KAT6B: variants seen among roughly 807,000 people sequenced by gnomAD.
KAT6B encodes the protein lysine acetyltransferase 6B.
In KAT6B, 10 loss-of-function variants were observed where a neutral mutation model predicts 187.5. That is an observed-to-expected ratio of 0.05 (90% CI 0.03 to 0.09). KAT6B has a LOEUF of 0.09. Ranked by LOEUF, KAT6B falls within the 10% of genes least tolerant of loss-of-function variation. The probability of loss-of-function intolerance (pLI) is 1.00; values close to 1 mark genes in which losing one functional copy is unlikely to be tolerated. For synonymous variants in KAT6B, 861 were observed against 926.8 expected (o/e 0.93, Z 1.29); for missense variants, 1,952 against 2,558.9 (o/e 0.76, Z 5.12).
chr10:75,021,355 A>T, intron 15 of KAT6B, 70 bp downstream of exon 15: 1 of 1,525,188 alleles, frequency 6.6e-7, no homozygotes, highest in East Asian at 2.3e-5. Context: ...TAAGAAAGTC[A>T]TTAAGATCGT....
intron 3 of KAT6B, among the ~76,000 whole-genome samples, chr10:74,864,372 C>T (rs1026065694): frequency 2.0e-5 from 3 of 152,132 alleles, no homozygotes; most frequent in African/African-American, 7.2e-5. Flanking sequence ...TCCTGAATAG[C>T]TGGGATTACA....
At chr10:75,006,213 A>T (rs887888359) in intron 13 of KAT6B, among the ~76,000 whole-genome samples, 1 of 152,232 alleles carries the variant, frequency 6.6e-6, no homozygotes, top group Admixed American at 6.5e-5. Flanking sequence ...TTCTGACCAG[A>T]CAATAAATAT....
At chr10:74,856,850 A>C (rs1025811414) in intron 3 of KAT6B, among the ~76,000 whole-genome samples, 2 of 152,160 alleles carry the variant, frequency 1.3e-5, no homozygotes, top group Non-Finnish European at 2.9e-5. Flanking sequence ...GCAGTAAGCC[A>C]AGGTCACACC....
At chr10:74,920,131 A>C (rs1273707504) in intron 3 of KAT6B, among the ~76,000 whole-genome samples, 1 of 152,178 alleles carries the variant, frequency 6.6e-6, no homozygotes, top group Admixed American at 6.5e-5. Context: ...TTATAGAAAT[A>C]ATTTGAGGTT....
chr10:74,963,819 G>T (rs1841270161), intron 4 of KAT6B, among the ~76,000 whole-genome samples: 1 of 152,120 alleles, frequency 6.6e-6, no homozygotes, highest in Non-Finnish European at 1.5e-5. Flanking sequence ...GAAACCTAAA[G>T]ATATGATCCA....
chr10:75,011,220 C>G (rs1392570831), intron 13 of KAT6B, among the ~76,000 whole-genome samples: 3 of 151,806 alleles, frequency 2.0e-5, no homozygotes, highest in African/African-American at 7.3e-5. Context: ...TAGACTTTTG[C>G]CTATTTATAA....
intron 13 of KAT6B, among the ~76,000 whole-genome samples, chr10:74,999,033 ACAAAT>A (rs1022534446): frequency 2.0e-5 from 3 of 152,278 alleles, no homozygotes; most frequent in Non-Finnish European, 2.9e-5. Flanking sequence ...GCAAAGCAAA[ACAAAT>A]ACATTTCTAG....
intron 3 of KAT6B, among the ~76,000 whole-genome samples, chr10:74,852,262 C>T (rs1022139483): frequency 3.9e-5 from 6 of 152,192 alleles, no homozygotes; most frequent in Non-Finnish European, 7.4e-5. Flanking sequence ...AACTGAAAAT[C>T]GAATAAATCT....
intron 3 of KAT6B, among the ~76,000 whole-genome samples, chr10:74,919,496 G>C (rs1290732098): frequency 6.6e-6 from 1 of 151,990 alleles, no homozygotes; most frequent in Non-Finnish European, 1.5e-5. Context: ...TGCCTCCTGG[G>C]TTCAAGCTAT....
intron 3 of KAT6B, among the ~76,000 whole-genome samples, chr10:74,851,864 A>G (rs967883573): frequency 6.6e-6 from 1 of 152,212 alleles, no homozygotes; most frequent in African/African-American, 2.4e-5. Flanking sequence ...ACACACATGA[A>G]TTAGATAAGT....
intron 3 of KAT6B, among the ~76,000 whole-genome samples, chr10:74,955,298 G>T (rs1208290512): frequency 6.6e-6 from 1 of 151,414 alleles, no homozygotes; most frequent in African/African-American, 2.4e-5. Flanking sequence ...TGAATCCACG[G>T]ATATTAATCC....
intron 3 of KAT6B, among the ~76,000 whole-genome samples, chr10:74,869,737 G>A (rs1490166410): frequency 1.3e-5 from 2 of 152,078 alleles, no homozygotes; most frequent in African/African-American, 4.8e-5. Flanking sequence ...TGGCTATTTT[G>A]TAACTTAAGT....
intron 3 of KAT6B, among the ~76,000 whole-genome samples, chr10:74,875,983 G>A (rs560245576): frequency 2.2e-4 from 33 of 152,224 alleles, no homozygotes; most frequent in African/African-American, 7.5e-4. Context: ...TCTAATTCCT[G>A]TTCCTTTCTA....
At chr10:74,882,634 G>T (rs780697180) in intron 3 of KAT6B, among the ~76,000 whole-genome samples, 1 of 152,170 alleles carries the variant, frequency 6.6e-6, no homozygotes, top group Non-Finnish European at 1.5e-5. Flanking sequence ...GTTTTTAAAG[G>T]TATGTCAATA....
intron 4 of KAT6B, among the ~76,000 whole-genome samples, chr10:74,966,287 A>C (rs183560073): frequency 6.6e-6 from 1 of 152,314 alleles, no homozygotes; most frequent in African/African-American, 2.4e-5. Flanking sequence ...ATGTGATTAG[A>C]TCAATCATGC....
intron 13 of KAT6B, among the ~76,000 whole-genome samples, chr10:75,012,641 C>T (rs773023475): frequency 6.6e-6 from 1 of 152,152 alleles, no homozygotes; most frequent in African/African-American, 2.4e-5. Context: ...GGAGGGAAGT[C>T]CCCTTTCGTG....
intron 13 of KAT6B, among the ~76,000 whole-genome samples, chr10:74,999,837 A>G (rs1224781323): frequency 6.6e-6 from 1 of 152,230 alleles, no homozygotes; most frequent in Non-Finnish European, 1.5e-5. Context: ...GGACAACTGT[A>G]TATTAAGTGC....
rs553525790 is a variant in KAT6B, at chr10:75,000,524, C to CGG, written c.2629+11413_2629+11414insGG. Among the ~76,000 whole-genome samples, 4 of 152,016 alleles carry CGG rather than the reference C, an allele frequency of 2.6e-5. No individual in the cohort carries two copies. In the South Asian group the frequency reaches 8.3e-4, roughly 32 times the overall value. ...CGGGGGCAGACGGACGTGTAACTAA[C>CGG]GCTATAAAGGGTAAAGGACAGCTGG... On this transcript the variant is annotated intron_variant, in intron 13 of 17. Coordinates refer to ENST00000287239, the MANE Select transcript of KAT6B (RefSeq NM_012330.4).
At position 75,030,192 on chromosome 10, in the gene KAT6B, G is replaced by A. The variant is rs766117254; in HGVS notation, c.5368G>A (p.Ala1790Thr). 29 of 1,614,030 alleles carry A rather than the reference G, an allele frequency of 1.8e-5. No individual in the cohort carries two copies. In the African/African-American group the frequency reaches 3.1e-4, roughly 17 times the overall value. Residue 1790 changes from alanine to threonine, a missense_variant, in exon 18 of 18, where the codon GCC (alanine) becomes ACC (threonine). By Grantham distance (58) the Ala-to-Thr change is moderately conservative (BLOSUM62 0). This residue lies in a region of KAT6B where 358 missense variants were observed against 436.3 expected (regional missense o/e 0.82). Transcript: ENST00000287239. The surrounding 1 kb of genome is among the most constrained non-coding windows in gnomAD (Gnocchi z 4.8). ...GGCTGAAATCCCCGAGACGAGCAAC[G>A]CCAACATTGGCTTATACGAGCGAAT... ...QLAEIPETSN[A>T]NIGLYERMGQ...
Sources: gnomAD v4.1 joint callset for allele counts (sites outside exome capture counted in the v4.1 genomes callset) on GRCh38, gnomAD v4.1.1 for gene constraint, gnomAD v4.1.1 regional missense constraint, Gnocchi (gnomAD v3.1) non-coding constraint, MANE v1.5 for transcripts, NCBI Gene and HGNC (gene_info 2026-07-23, HGNC 2026-07-21) for gene names.